Variants in TMEM170A observed in about 807,000 individuals in gnomAD.
The protein encoded by TMEM170A is transmembrane protein 170.
TMEM170A carries 18 observed loss-of-function variants against 12.8 expected under a neutral mutation model. The ratio of observed to expected loss-of-function variants is 1.41; its 90% CI spans 0.97 to 2.09. The LOEUF is 2.09. TMEM170A is among the 30% of genes most tolerant of loss of function. The pLI is 0.00. For missense variants in TMEM170A, 220 were observed against 179.9 expected (o/e 1.22, Z -1.28); for synonymous variants, 107 against 76.2 (o/e 1.40, Z -2.11).
chr16:75,456,983 A>G (rs2079810386), intron 1 of TMEM170A, among the ~76,000 whole-genome samples: 1 of 152,118 alleles, frequency 6.6e-6, no homozygotes, highest in African/African-American at 2.4e-5. Context: ...CTACCCCAAC[A>G]CCTAGTCTAC....
chr16:75,447,407 T>G lies in TMEM170A; in HGVS notation c.*151A>C. 1 of 818,072 alleles carries G rather than the reference T, an allele frequency of 1.2e-6. No individual in the cohort carries two copies. Among genetic ancestry groups the G allele is most frequent in the Non-Finnish European group, 1.7e-6 (1 of 584,234 alleles). 50.7% of individuals were successfully genotyped at this position (818,072 alleles called of 1,614,324 possible). A position where few individuals can be genotyped will look rare whatever the true frequency, so the allele number is the denominator to read the frequency against. Reference sequence around the variant, plus strand: ...GTCTTCAATTCTAGGAGCTTCAAAATGAAGAAAAGGCTGAGATGTGTTGTC... The same window carrying G: ...GTCTTCAATTCTAGGAGCTTCAAAAGGAAGAAAAGGCTGAGATGTGTTGTC... On this transcript the variant is annotated 3_prime_UTR_variant, in exon 3 of 3. Transcript: ENST00000561878.
chr16:75,463,312 A>G (rs924807659), intron 1 of TMEM170A, among the ~76,000 whole-genome samples: 1 of 151,976 alleles, frequency 6.6e-6, no homozygotes, highest in African/African-American at 2.4e-5. Flanking sequence ...ATCACTGTCA[A>G]AAGTGATCCT....
intron 1 of TMEM170A, among the ~76,000 whole-genome samples, chr16:75,463,763 C>A (rs1264354325): frequency 6.6e-6 from 1 of 152,242 alleles, no homozygotes; most frequent in African/African-American, 2.4e-5. Flanking sequence ...GCTTTCAGGG[C>A]ACGGAGCGCT....
chr16:75,449,430 T>C (rs1257386725), intron 2 of TMEM170A, among the ~76,000 whole-genome samples: 1 of 151,714 alleles, frequency 6.6e-6, no homozygotes. Flanking sequence ...TGGGCTCAAG[T>C]GATCCTCCCG....
intron 1 of TMEM170A, among the ~76,000 whole-genome samples, chr16:75,454,651 A>G (rs1010815896): frequency 2.0e-5 from 3 of 152,116 alleles, no homozygotes; most frequent in Non-Finnish European, 4.4e-5. Flanking sequence ...ATAAAAGAGC[A>G]ATGACAGTTA....
chr16:75,455,356 C>CAAAAAAAAAAAAAAAA (rs59205915), intron 1 of TMEM170A, among the ~76,000 whole-genome samples: 2 of 110,824 alleles, frequency 1.8e-5, no homozygotes, highest in Non-Finnish European at 1.8e-5. Context: ...GACACTGTCT[C>CAAAAAAAAAAAAAAAA]AAAAAAAAAA....
intron 1 of TMEM170A, among the ~76,000 whole-genome samples, chr16:75,455,622 G>T (rs1302826949): frequency 1.3e-5 from 2 of 152,080 alleles, no homozygotes; most frequent in African/African-American, 2.4e-5. Flanking sequence ...AGCCAACATG[G>T]TGAAACACTG....
At chr16:75,463,678 G>C (rs1006795700) in intron 1 of TMEM170A, among the ~76,000 whole-genome samples, 1 of 152,176 alleles carries the variant, frequency 6.6e-6, no homozygotes, top group Non-Finnish European at 1.5e-5. Flanking sequence ...GCCTTTCAAG[G>C]ACCACACAAA....
chr16:75,456,419 C>T (rs905848408), intron 1 of TMEM170A, among the ~76,000 whole-genome samples: 5 of 152,130 alleles, frequency 3.3e-5, no homozygotes, highest in Non-Finnish European at 5.9e-5. Context: ...GAAACCGTCT[C>T]GACCAAAAAA....
intron 1 of TMEM170A, among the ~76,000 whole-genome samples, chr16:75,455,893 T>G (rs1474057833): frequency 6.6e-6 from 1 of 152,112 alleles, no homozygotes; most frequent in Non-Finnish European, 1.5e-5. Context: ...ATCAATCCGC[T>G]TGAGGGGATT....
At chr16:75,454,545 G>T (rs2079750840) in intron 1 of TMEM170A, among the ~76,000 whole-genome samples, 1 of 152,080 alleles carries the variant, frequency 6.6e-6, no homozygotes, top group Admixed American at 6.6e-5. Flanking sequence ...TGAGGCAGGA[G>T]AATCGCTTGA....
intron 1 of TMEM170A, among the ~76,000 whole-genome samples, chr16:75,454,733 A>G (rs1760136557): frequency 6.6e-6 from 1 of 152,240 alleles, no homozygotes; most frequent in South Asian, 2.1e-4. Context: ...CAAAAGATCT[A>G]AAGTGCCAGT....
At chr16:75,457,772 C>T (rs866518502) in intron 1 of TMEM170A, among the ~76,000 whole-genome samples, 29 of 152,308 alleles carry the variant, frequency 1.9e-4, no homozygotes, top group African/African-American at 6.7e-4. Context: ...CAGGCCAACA[C>T]CTCTCTGAGG....
intron 1 of TMEM170A, among the ~76,000 whole-genome samples, chr16:75,457,157 T>A (rs1484051173): frequency 6.6e-6 from 1 of 152,132 alleles, no homozygotes; most frequent in Non-Finnish European, 1.5e-5. Flanking sequence ...CTGCTGGAGC[T>A]GCCAGAGTTT....
At chr16:75,463,656 T>C (rs1026666097) in intron 1 of TMEM170A, among the ~76,000 whole-genome samples, 8 of 152,214 alleles carry the variant, frequency 5.3e-5, no homozygotes, top group East Asian at 1.9e-4. Context: ...GGCCACGGGC[T>C]CTAGTCTTCT....
chr16:75,455,068 A>C (rs778566592), intron 1 of TMEM170A, among the ~76,000 whole-genome samples: 1 of 152,190 alleles, frequency 6.6e-6, no homozygotes, highest in Non-Finnish European at 1.5e-5. Context: ...TAAAATATGC[A>C]ATAGATGGGC....
chr16:75,458,754 C>A (rs1259012230), intron 1 of TMEM170A: 1 of 152,176 alleles, frequency 6.6e-6, no homozygotes, highest in Non-Finnish European at 1.5e-5. Flanking sequence ...CATAAAAACA[C>A]TAAAAAGTTA....
At chr16:75,448,290 T>C (rs1461869630) in intron 2 of TMEM170A, among the ~76,000 whole-genome samples, 2 of 152,204 alleles carry the variant, frequency 1.3e-5, no homozygotes, top group Non-Finnish European at 2.9e-5. Context: ...TACTCAGGGA[T>C]TCCTTTGTCT....
Position 75,443,712 on chromosome 16 carries a change from A to G in TMEM170A, c.*3846T>C, listed in dbSNP as rs1244985368. ...TTTTGTGGTCACAAAAAAAGCACAG[A>G]TACCTCTTTTAGAATATTCATGATG... On this transcript the variant is annotated 3_prime_UTR_variant, in exon 3 of 3. Coordinates refer to ENST00000561878, the MANE Select transcript of TMEM170A (RefSeq NM_145254.3). 1 of 152,206 alleles carries G rather than the reference A, an allele frequency of 6.6e-6. No homozygotes were observed. Among genetic ancestry groups the G allele is most frequent in the African/African-American group, 2.4e-5 (1 of 41,446 alleles). The allele number at this position is 152,206 out of a possible 1,614,324, so 9.4% of individuals were successfully genotyped here.
Sources: gnomAD v4.1 joint callset for allele counts (sites outside exome capture counted in the v4.1 genomes callset) on GRCh38, gnomAD v4.1.1 for gene constraint, MANE v1.5 for transcripts, NCBI Gene and HGNC (gene_info 2026-07-23, HGNC 2026-07-21) for gene names.